SEC11C: variants seen among roughly 807,000 people sequenced by gnomAD.
SEC11C encodes signal peptidase complex catalytic subunit SEC11C.
In SEC11C, 10 loss-of-function variants were observed where a neutral mutation model predicts 21.9. That is an observed-to-expected ratio of 0.46 (90% CI 0.28 to 0.77). The LOEUF (loss-of-function observed/expected upper bound fraction) is 0.77. Among genes scored for constraint, SEC11C ranks in the 30% least tolerant of loss-of-function variants. The pLI, the probability that SEC11C is intolerant of heterozygous loss-of-function variation, is 0.12. For synonymous variants in SEC11C, 83 were observed against 85.6 expected, an observed-to-expected ratio of 0.97 and a Z score of 0.17; for missense variants, 145 against 244.5, an observed-to-expected ratio of 0.59 and a Z score of 2.71.
At chr18:59,150,963 T>C (rs770584922) in intron 2 of SEC11C, among the ~76,000 whole-genome samples, 6 of 136,748 alleles carry the variant, frequency 4.4e-5, no homozygotes, top group Non-Finnish European at 9.5e-5. Context: ...ACTTAGGGAC[T>C]TTTTTTTTTT....
chr18:59,152,525 C>A lies in SEC11C; in HGVS notation c.198-11C>A. The A allele has an allele frequency of 6.3e-7, 1 of 1,592,186 alleles. No homozygotes were observed. The highest frequency in any genetic ancestry group is 8.5e-7 in the Non-Finnish European group (1 of 1,172,712). On this transcript the variant is annotated splice_polypyrimidine_tract_variant and intron_variant, in intron 2 of 5. Transcript: ENST00000587834. The stretch of plus-strand genomic sequence containing the variant: ...GGGTAATGCTGATACTGACTTTGTG[C>A]TTCTTTCCAGTGGCAGTATGGAGCC...
chr18:59,153,634 T>C (rs1603377955), intron 3 of SEC11C, among the ~76,000 whole-genome samples: 2 of 152,084 alleles, frequency 1.3e-5, no homozygotes, highest in African/African-American at 4.8e-5. Flanking sequence ...CACTGCAACT[T>C]CCGCCTCCCG....
At chr18:59,142,511 A>G (rs12604678) in intron 1 of SEC11C, among the ~76,000 whole-genome samples, 17,932 of 152,234 alleles carry the variant, frequency 0.12, 1,572 homozygotes, top group East Asian at 0.39. Context: ...CCTTTAAGTC[A>G]GGCAGAGCCG....
At chr18:59,146,205 G>A (rs1339857614) in intron 1 of SEC11C, among the ~76,000 whole-genome samples, 1 of 152,194 alleles carries the variant, frequency 6.6e-6, no homozygotes, top group Admixed American at 6.5e-5. Flanking sequence ...CTCCAGACGT[G>A]TTTGGAAAGC....
intron 4 of SEC11C, chr18:59,156,410 T>G (rs1269929900): frequency 6.6e-6 from 1 of 152,214 alleles, no homozygotes; most frequent in East Asian, 1.9e-4. Flanking sequence ...GAAATAGCTT[T>G]TCGTGTCAAA....
chr18:59,153,402 T>C (rs536835590), intron 3 of SEC11C: 1 of 152,366 alleles, frequency 6.6e-6, no homozygotes, highest in African/African-American at 2.4e-5. Context: ...TGGATTTTTA[T>C]CTGTGTGAGT....
intron 2 of SEC11C, among the ~76,000 whole-genome samples, chr18:59,151,188 G>A (rs1385100398): frequency 6.6e-6 from 1 of 152,150 alleles, no homozygotes; most frequent in Non-Finnish European, 1.5e-5. Flanking sequence ...TGCAGTCTGT[G>A]CAGGGATCTT....
chr18:59,149,380 T>G (rs1334608414), intron 1 of SEC11C, 133 bp from the exon 2 acceptor site: 9 of 571,524 alleles, frequency 1.6e-5, no homozygotes, highest in Non-Finnish European at 2.9e-5. Flanking sequence ...TACTGCAGAA[T>G]TTTGTACCTT....
At chr18:59,142,873 C>T (rs2069227666) in intron 1 of SEC11C, among the ~76,000 whole-genome samples, 1 of 152,270 alleles carries the variant, frequency 6.6e-6, no homozygotes, top group Admixed American at 6.5e-5. Context: ...GACAGCTGCA[C>T]TAAAATCTTA....
At chr18:59,154,042 ATT>A (rs2069391267) in intron 3 of SEC11C, among the ~76,000 whole-genome samples, 2 of 152,138 alleles carry the variant, frequency 1.3e-5, no homozygotes, top group Admixed American at 1.3e-4. Context: ...CCCCACAGAT[ATT>A]GATACTTATT....
rs888093150 is a variant in SEC11C, at chr18:59,158,783, A to G, written c.*98A>G. On this transcript the variant is annotated 3_prime_UTR_variant, in exon 6 of 6. Transcript: ENST00000587834. ...TGTTCCATTTTCTGTATAAAAGGGA[A>G]CAGTGTGGAGATGTTTTTGTCTTGT... The G allele has an allele frequency of 1.9e-5, 20 of 1,035,208 alleles. No individual in the cohort carries two copies. The highest frequency in any genetic ancestry group is 1.9e-4 in the African/African-American group (12 of 62,736). 64.1% of individuals were successfully genotyped at this position (1,035,208 alleles called of 1,614,324 possible). A position where few individuals can be genotyped will look rare whatever the true frequency, so the allele number is the denominator to read the frequency against.
chr18:59,144,589 G>A (rs931032888), intron 1 of SEC11C, among the ~76,000 whole-genome samples: 5 of 152,100 alleles, frequency 3.3e-5, no homozygotes, highest in African/African-American at 1.2e-4. Flanking sequence ...ACCCAGGCAT[G>A]CCAGCACATG....
intron 2 of SEC11C, among the ~76,000 whole-genome samples, chr18:59,150,576 G>A (rs2069338006): frequency 6.6e-6 from 1 of 152,226 alleles, no homozygotes; most frequent in Non-Finnish European, 1.5e-5. Context: ...CTGTGCTTTG[G>A]GGACGCCCCT....
At chr18:59,149,672 C>A in intron 2 of SEC11C, 50 bp downstream of exon 2, 1 of 1,243,656 alleles carries the variant, frequency 8.0e-7, no homozygotes, top group Non-Finnish European at 1.2e-6. Context: ...CACAAGGCTG[C>A]CTTGGGCCTG....
rs2069187821 is a variant in SEC11C, at chr18:59,139,884, A to AGGT, written c.-63_-61dup. ...GCTGGGCCGGTGGGCGGGGGCCGGC[A>AGGT]GGTGCTCCGCAGCCGTCTGTGCCAC... On this transcript the variant is annotated 5_prime_UTR_variant, in exon 1 of 6. Transcript: ENST00000587834. 44 of 1,240,216 alleles carry AGGT rather than the reference A, an allele frequency of 3.5e-5. No individual in the cohort carries two copies. Among genetic ancestry groups the AGGT allele is most frequent in the Non-Finnish European group, 4.7e-5 (44 of 934,062 alleles). 76.8% of individuals were successfully genotyped at this position (1,240,216 alleles called of 1,614,324 possible).
chr18:59,143,730 T>C (rs1256723127), intron 1 of SEC11C, among the ~76,000 whole-genome samples: 1 of 152,224 alleles, frequency 6.6e-6, no homozygotes, highest in Non-Finnish European at 1.5e-5. Context: ...TCACTCAACA[T>C]ACTGTGTTTG....
intron 3 of SEC11C, among the ~76,000 whole-genome samples, chr18:59,154,957 TC>T (rs2069402952): frequency 6.6e-6 from 1 of 152,132 alleles, no homozygotes; most frequent in Non-Finnish European, 1.5e-5. Context: ...TCCCAGCTAC[TC>T]AGAGACGGAG....
chr18:59,154,536 T>A (rs1485896361), intron 3 of SEC11C, among the ~76,000 whole-genome samples: 2 of 152,236 alleles, frequency 1.3e-5, no homozygotes, highest in Admixed American at 1.3e-4. Flanking sequence ...CATGTCTCTT[T>A]AACACACTGG....
chr18:59,145,162 G>A (rs2069256598), intron 1 of SEC11C, among the ~76,000 whole-genome samples: 2 of 152,330 alleles, frequency 1.3e-5, no homozygotes, highest in South Asian at 4.1e-4. Flanking sequence ...ATAATAGGAA[G>A]ACCTAGGCTG....
Sources: allele counts gnomAD v4.1 joint callset (sites outside exome capture counted in the v4.1 genomes callset), GRCh38; gene constraint gnomAD v4.1.1; transcripts MANE v1.5; gene names NCBI Gene and HGNC (gene_info 2026-07-23, HGNC 2026-07-21).